Variants in HECW2 observed in about 807,000 individuals in gnomAD.
HECW2 encodes HECT, C2 and WW domain containing E3 ubiquitin protein ligase 2.
Under a neutral mutation model 175.2 loss-of-function variants are expected in HECW2, and 61 were observed. The ratio of observed to expected loss-of-function variants is 0.35; its 90% CI spans 0.28 to 0.43. The LOEUF (loss-of-function observed/expected upper bound fraction) is 0.43, where lower values mean the gene tolerates loss of function less well. Among genes scored for constraint, HECW2 ranks in the 20% least tolerant of loss-of-function variants. The pLI is 1.00. For synonymous variants in HECW2, 671 were observed against 731.0 expected (o/e 0.92, Z 1.32); for missense variants, 1,524 against 2,000.5 (o/e 0.76, Z 4.54).
intron 2 of HECW2, among the ~76,000 whole-genome samples, chr2:196,363,558 C>T (rs1171647079): frequency 1.3e-5 from 2 of 152,212 alleles, no homozygotes; most frequent in Admixed American, 6.5e-5. Flanking sequence ...AGGCCAGGAA[C>T]CATGGCTCAC....
At chr2:196,268,410 T>TA (rs11385961) in intron 17 of HECW2, among the ~76,000 whole-genome samples, 42,015 of 151,414 alleles carry the variant, frequency 0.28, 6,146 homozygotes, top group African/African-American at 0.38. Flanking sequence ...TAGATGCCAC[T>TA]AAAAAAAAAT....
intron 2 of HECW2, among the ~76,000 whole-genome samples, chr2:196,357,537 T>C (rs1382622881): frequency 6.6e-6 from 1 of 152,210 alleles, no homozygotes; most frequent in Non-Finnish European, 1.5e-5. Context: ...AAACCCTTAA[T>C]GCAACATTTT....
At chr2:196,227,327 A>G (rs1356671885) in intron 22 of HECW2, among the ~76,000 whole-genome samples, 2 of 152,138 alleles carry the variant, frequency 1.3e-5, no homozygotes, top group Non-Finnish European at 2.9e-5. Flanking sequence ...CAGGGGTTAT[A>G]CAAATATTTG....
intron 1 of HECW2, among the ~76,000 whole-genome samples, chr2:196,458,267 T>C (rs947364152): frequency 6.6e-6 from 1 of 152,082 alleles, no homozygotes; most frequent in African/African-American, 2.4e-5. Flanking sequence ...CAAAACCCTG[T>C]CTCTAAGAAT....
intron 2 of HECW2, among the ~76,000 whole-genome samples, chr2:196,386,866 ACACT>A (rs1694365716): frequency 6.6e-6 from 1 of 152,216 alleles, no homozygotes; most frequent in African/African-American, 2.4e-5. Context: ...CTGATTAACA[ACACT>A]CACTCACTGT....
At chr2:196,294,572 A>G (rs1337213590) in intron 13 of HECW2, among the ~76,000 whole-genome samples, 1 of 152,196 alleles carries the variant, frequency 6.6e-6, no homozygotes, top group Non-Finnish European at 1.5e-5. Flanking sequence ...CAAGGACTCT[A>G]GAGTCTCTGG....
At chr2:196,388,611 T>A (rs1321195423) in intron 2 of HECW2, among the ~76,000 whole-genome samples, 1 of 152,150 alleles carries the variant, frequency 6.6e-6, no homozygotes, top group Non-Finnish European at 1.5e-5. Context: ...AGAGTATAGG[T>A]ATGTAACTGC....
At chr2:196,438,449 A>T (rs1381975149) in intron 1 of HECW2, among the ~76,000 whole-genome samples, 1 of 152,226 alleles carries the variant, frequency 6.6e-6, no homozygotes, top group Non-Finnish European at 1.5e-5. Context: ...AGGCTTTTAA[A>T]TCCAGTGTGA....
intron 4 of HECW2, among the ~76,000 whole-genome samples, chr2:196,332,739 A>AT (rs1692412919): frequency 6.6e-6 from 1 of 152,168 alleles, no homozygotes; most frequent in Non-Finnish European, 1.5e-5. Flanking sequence ...AGACACAATG[A>AT]TTTTTTTAAA....
At chr2:196,376,779 C>T (rs750353618) in intron 2 of HECW2, among the ~76,000 whole-genome samples, 2 of 151,756 alleles carry the variant, frequency 1.3e-5, no homozygotes, top group Non-Finnish European at 2.9e-5. Context: ...ACTAAAAATA[C>T]AAAAATTAGC....
In HECW2 at chr2:196,200,567, T is replaced by A. The variant is rs1315132656; in HGVS notation, c.*710A>T. ...TGCTGTGATTAATTGCTAGTTATTT[T>A]AAAATTGTTTTCATGCATTATAAAG... On this transcript the variant is annotated 3_prime_UTR_variant, in exon 29 of 29. Transcript: ENST00000644978. 2 of 152,642 alleles carry A rather than the reference T, an allele frequency of 1.3e-5. No individual in the cohort carries two copies. Among genetic ancestry groups the A allele is most frequent in the African/African-American group, 4.8e-5 (2 of 41,468 alleles). 9.5% of individuals were successfully genotyped at this position (152,642 alleles called of 1,614,324 possible). A position where few individuals can be genotyped will look rare whatever the true frequency, so the allele number is the denominator to read the frequency against.
chr2:196,397,630 G>C (rs1351256988), intron 2 of HECW2, among the ~76,000 whole-genome samples: 2 of 152,108 alleles, frequency 1.3e-5, no homozygotes, highest in African/African-American at 4.8e-5. Context: ...ATCCCCTTTA[G>C]TCCCCCACCA....
chr2:196,228,303 T>C (rs1488611702), intron 21 of HECW2, 49 bp from the exon 22 acceptor site: 2 of 1,548,920 alleles, frequency 1.3e-6, no homozygotes, highest in Non-Finnish European at 1.7e-6. Context: ...TTTTTCTAGA[T>C]ATTGGGCAGT....
At chr2:196,282,040 C>T (rs1417250727) in intron 14 of HECW2, among the ~76,000 whole-genome samples, 5 of 152,140 alleles carry the variant, frequency 3.3e-5, no homozygotes, top group African/African-American at 1.2e-4. Context: ...ATTATTTTCA[C>T]AAATAATAGT....
intron 14 of HECW2, among the ~76,000 whole-genome samples, chr2:196,287,763 C>G (rs16849039): frequency 2.0e-5 from 3 of 152,128 alleles, no homozygotes; most frequent in Admixed American, 6.5e-5. Context: ...GAAATACCCA[C>G]CTGGTGCTTT....
At position 196,550,441 on chromosome 2, in the gene HECW2, A is replaced by G. The variant is rs116458974; in HGVS notation, c.-36+43067T>C. On this transcript the variant is annotated intron_variant, in intron 1 of 28. Coordinates refer to ENST00000644978, the MANE Select transcript of HECW2 (RefSeq NM_001348768.2). ...TGAGCTAAGTAAAAAAAAAAAATTA[A>G]GAAACATGAAATTTTCATTGAAAAT... Among the ~76,000 whole-genome samples, 644 of 152,298 alleles carry G rather than the reference A, an allele frequency of 4.2e-3. 4 individuals carry two copies. The highest frequency in any genetic ancestry group is 0.015 in the African/African-American group (607 of 41,568).
intron 1 of HECW2, among the ~76,000 whole-genome samples, chr2:196,467,478 A>C (rs1390936399): frequency 6.6e-6 from 1 of 152,190 alleles, no homozygotes; most frequent in East Asian, 1.9e-4. Context: ...CCTGTGAAAA[A>C]GGAAGACACG....
chr2:196,520,659 C>T (rs565022634), intron 1 of HECW2, among the ~76,000 whole-genome samples: 2 of 152,304 alleles, frequency 1.3e-5, no homozygotes, highest in African/African-American at 4.8e-5. Flanking sequence ...AGCAAAAGAA[C>T]CTACTAGTTG....
intron 2 of HECW2, among the ~76,000 whole-genome samples, chr2:196,386,690 T>C (rs1166139901): frequency 6.6e-6 from 1 of 152,198 alleles, no homozygotes; most frequent in Non-Finnish European, 1.5e-5. Flanking sequence ...TAGGCAATGA[T>C]TTTTGAATGT....
Sources: gnomAD v4.1 joint callset for allele counts (sites outside exome capture counted in the v4.1 genomes callset) on GRCh38, gnomAD v4.1.1 for gene constraint, MANE v1.5 for transcripts, NCBI Gene and HGNC (gene_info 2026-07-23, HGNC 2026-07-21) for gene names.